The following RIMS2 variants were observed in gnomAD, a reference collection of about 807,000 sequenced individuals.
RIMS2 encodes the protein regulating synaptic membrane exocytosis protein 2.
In RIMS2, 59 loss-of-function variants were observed where a neutral mutation model predicts 174.4. The observed-to-expected ratio is 0.34, with a 90% CI of 0.27 to 0.42. The LOEUF (loss-of-function observed/expected upper bound fraction) is 0.42, where lower values mean the gene tolerates loss of function less well. Ranked by LOEUF, RIMS2 falls within the 10% of genes least tolerant of loss-of-function variation. The pLI is 1.00. For missense variants in RIMS2, 1,620 were observed against 1,666.3 expected, an observed-to-expected ratio of 0.97 and a Z score of 0.48; for synonymous variants, 606 against 572.5, an observed-to-expected ratio of 1.06 and a Z score of -0.84.
chr8:103,845,035 T>G (rs1337177826), intron 3 of RIMS2, among the ~76,000 whole-genome samples: 5 of 152,104 alleles, frequency 3.3e-5, no homozygotes, highest in Non-Finnish European at 7.4e-5. Context: ...TTTTCTTAGT[T>G]TCCATATTTC....
At chr8:103,508,007 G>A (rs965320767) in intron 1 of RIMS2, among the ~76,000 whole-genome samples, 1 of 152,066 alleles carries the variant, frequency 6.6e-6, no homozygotes, top group African/African-American at 2.4e-5. Context: ...AAATATGTCA[G>A]ACTAATCTTA....
intron 3 of RIMS2, among the ~76,000 whole-genome samples, chr8:103,878,302 G>A (rs184304254): frequency 3.3e-5 from 5 of 151,910 alleles, no homozygotes; most frequent in African/African-American, 1.2e-4. Flanking sequence ...TTATAGCAGT[G>A]TGAGAACAGA....
At chr8:104,232,708 C>T (rs974833786) in intron 19 of RIMS2, among the ~76,000 whole-genome samples, 5 of 152,158 alleles carry the variant, frequency 3.3e-5, no homozygotes, top group African/African-American at 1.2e-4. Context: ...TGGCCACTAC[C>T]CTCATTGGAA....
chr8:104,230,372 G>A (rs11985345), intron 19 of RIMS2, among the ~76,000 whole-genome samples: 3,456 of 151,916 alleles, frequency 0.023, 132 homozygotes, highest in African/African-American at 0.076. Context: ...TCAGCCAGGC[G>A]CGGTGGCTCA....
intron 17 of RIMS2, among the ~76,000 whole-genome samples, chr8:104,002,581 T>C (rs904148014): frequency 6.6e-6 from 1 of 152,178 alleles, no homozygotes; most frequent in Non-Finnish European, 1.5e-5. Context: ...GTTTTCAAGG[T>C]AGCATATACT....
chr8:104,161,348 A>C (rs2098759948), intron 19 of RIMS2, among the ~76,000 whole-genome samples: 1 of 152,176 alleles, frequency 6.6e-6, no homozygotes, highest in African/African-American at 2.4e-5. Context: ...ACTCAGAAAT[A>C]TGGAAAGGTA....
At chr8:104,153,365 A>G (rs1308402368) in intron 19 of RIMS2, among the ~76,000 whole-genome samples, 2 of 152,180 alleles carry the variant, frequency 1.3e-5, no homozygotes, top group Admixed American at 1.3e-4. Context: ...TAGTATGTCT[A>G]TCTGACTGAT....
At chr8:103,670,264 G>A (rs2096728712) in intron 1 of RIMS2, among the ~76,000 whole-genome samples, 1 of 152,228 alleles carries the variant, frequency 6.6e-6, no homozygotes, top group African/African-American at 2.4e-5. Context: ...GCAGCAGGGG[G>A]ACCCTGGGCT....
At chr8:103,652,138 C>A in intron 1 of RIMS2, 67 bp from the exon 2 acceptor site, 2 of 845,374 alleles carry the variant, frequency 2.4e-6, no homozygotes, top group South Asian at 1.5e-5. Flanking sequence ...TTTATATGAA[C>A]ACAAATTTGT....
At chr8:104,135,013 A>G (rs2098506514) in intron 19 of RIMS2, among the ~76,000 whole-genome samples, 1 of 152,024 alleles carries the variant, frequency 6.6e-6, no homozygotes, top group Admixed American at 6.6e-5. Flanking sequence ...TTGGTGCAAA[A>G]AAAATTTGAA....
Position 103,793,617 on chromosome 8 carries a change from A to G in RIMS2, c.698+27080A>G, listed in dbSNP as rs576403648. Among the ~76,000 whole-genome samples, 77 of 152,334 alleles carry G rather than the reference A, an allele frequency of 5.1e-4. 1 individual carries two copies. The highest frequency in any genetic ancestry group is 8.3e-4 in the South Asian group (4 of 4,820). ...AGGAGAAAGAAATAAAGGGTATTCAATTAGGAAAATAGGAAGTCAAATTGT... is the reference window on the plus strand; with the variant it reads ...AGGAGAAAGAAATAAAGGGTATTCAGTTAGGAAAATAGGAAGTCAAATTGT... On this transcript the variant is annotated intron_variant, in intron 3 of 23. Transcript: ENST00000504942.
At chr8:104,019,306 C>T (rs1427905694) in intron 19 of RIMS2, among the ~76,000 whole-genome samples, 6 of 152,080 alleles carry the variant, frequency 3.9e-5, no homozygotes, top group Admixed American at 3.9e-4. Flanking sequence ...ACTAATCTTA[C>T]CAATTATCAA....
chr8:104,170,278 G>A lies in RIMS2; in HGVS notation c.3335-74638G>A, dbSNP rs969730517. 3.9e-5 allele frequency among the ~76,000 whole-genome samples: 6 copies of A among 151,974 alleles called. No homozygotes were observed. The East Asian group carries it at 5.8e-4, about 15-fold the overall frequency. On this transcript the variant is annotated intron_variant, in intron 19 of 23. Coordinates refer to ENST00000504942, the Ensembl canonical transcript of RIMS2. ...CTGTCACTGGAGAATTGGAGTGACC[G>A]CCTATTATTGTGTTGCTATCTATCT...
intron 19 of RIMS2, among the ~76,000 whole-genome samples, chr8:104,102,081 T>C (rs2097913794): frequency 1.3e-5 from 2 of 152,220 alleles, no homozygotes. Context: ...GTAGCATGTA[T>C]GTATTGATAA....
At chr8:103,514,578 A>G (rs1381708373) in intron 1 of RIMS2, among the ~76,000 whole-genome samples, 1 of 152,214 alleles carries the variant, frequency 6.6e-6, no homozygotes, top group Admixed American at 6.5e-5. Flanking sequence ...AATATCTACA[A>G]TGAGACACTT....
intron 19 of RIMS2, chr8:104,094,770 A>G: frequency 1.6e-6 from 1 of 610,382 alleles, no homozygotes; most frequent in Non-Finnish European, 2.9e-6. Context: ...TTAGTAATGT[A>G]GTCTTTTTTA....
chr8:104,169,341 A>ATATATATATATATATAT (rs1563510137), intron 19 of RIMS2, among the ~76,000 whole-genome samples: 10 of 33,732 alleles, frequency 3.0e-4, no homozygotes, highest in African/African-American at 3.9e-4. Flanking sequence ...TATATATATA[A>ATATATATATATATATAT]AACAGATTCA....
At chr8:104,013,689 A>G in intron 18 of RIMS2, 68 bp downstream of exon 20, 5 of 1,305,794 alleles carry the variant, frequency 3.8e-6, no homozygotes, top group Non-Finnish European at 5.5e-6. Context: ...TTTTCCCAAC[A>G]GTTAACTGGT....
chr8:104,168,220 T>C (rs1823170), intron 19 of RIMS2, among the ~76,000 whole-genome samples: 11,053 of 152,158 alleles, frequency 0.073, 534 homozygotes, highest in East Asian at 0.15. Flanking sequence ...GTTATTTTGA[T>C]GAGAATTGCA....
Sources: allele counts gnomAD v4.1 joint callset (sites outside exome capture counted in the v4.1 genomes callset), GRCh38; gene constraint gnomAD v4.1.1; transcripts MANE v1.5; gene names NCBI Gene and HGNC (gene_info 2026-07-23, HGNC 2026-07-21).